The following TMEM244 variants were observed in gnomAD, a reference collection of about 807,000 sequenced individuals.
TMEM244 encodes the protein putative transmembrane protein 244.
In TMEM244, 13 loss-of-function variants were observed where a neutral mutation model predicts 15.8. That is an observed-to-expected ratio of 0.82 (90% CI 0.53 to 1.30). The LOEUF is 1.30. Among genes scored for constraint, TMEM244 ranks in the 50% most tolerant of loss-of-function variants. The pLI is 0.00. For missense variants in TMEM244, 161 were observed against 144.9 expected, an observed-to-expected ratio of 1.11 and a Z score of -0.57; for synonymous variants, 45 against 48.7, an observed-to-expected ratio of 0.92 and a Z score of 0.32.
At position 129,843,544 on chromosome 6, in the gene TMEM244, T is replaced by A. The variant is rs7760577; in HGVS notation, c.179A>T (p.Asn60Ile). 2.1e-3 allele frequency: 3,393 copies of A among 1,610,820 alleles called. 70 individuals carry two copies. The African/African-American group carries it at 0.04, about 19-fold the overall frequency. ...FDFKTNPSWLNINYKVLLVST... is the reference protein window; with the variant it reads ...FDFKTNPSWLIINYKVLLVST... ...AAAACAATTACCTTTATAGTTTATG[T>A]TGAGCCATGAGGGATTTGTTTTGAA... Residue 60 changes from asparagine to isoleucine, a missense_variant, in exon 3 of 5, where the codon AAC (asparagine) becomes ATC (isoleucine). Transcript: ENST00000368143.
intron 3 of TMEM244, among the ~76,000 whole-genome samples, chr6:129,835,046 T>C (rs1204057238): frequency 2.6e-5 from 4 of 152,156 alleles, no homozygotes; most frequent in African/African-American, 9.7e-5. Context: ...AAGGAAGTAA[T>C]ACAAAATTTG....
intron 4 of TMEM244, among the ~76,000 whole-genome samples, 160 bp downstream of exon 4, chr6:129,833,300 A>T (rs1199603154): frequency 5.3e-5 from 8 of 152,212 alleles, no homozygotes; most frequent in African/African-American, 1.7e-4. Context: ...GTACAAAAAA[A>T]TTTGGCTGGA....
chr6:129,847,457 G>A (rs754069262), intron 1 of TMEM244, among the ~76,000 whole-genome samples: 4 of 152,184 alleles, frequency 2.6e-5, no homozygotes, highest in African/African-American at 7.2e-5. Context: ...AGAGGAGAAG[G>A]TAGTTAGCAG....
At chr6:129,837,184 G>C (rs374681113) in intron 3 of TMEM244, among the ~76,000 whole-genome samples, 1 of 152,198 alleles carries the variant, frequency 6.6e-6, no homozygotes, top group Non-Finnish European at 1.5e-5. Flanking sequence ...GAAAGGTTGG[G>C]TTACCCACAA....
At chr6:129,845,557 T>C (rs1178691187) in intron 2 of TMEM244, among the ~76,000 whole-genome samples, 1 of 152,150 alleles carries the variant, frequency 6.6e-6, no homozygotes, top group Non-Finnish European at 1.5e-5. Context: ...GGCAGGAGGA[T>C]CATTCAAGGC....
intron 3 of TMEM244, among the ~76,000 whole-genome samples, chr6:129,841,236 T>A (rs1584184411): frequency 6.6e-6 from 1 of 152,166 alleles, no homozygotes; most frequent in African/African-American, 2.4e-5. Flanking sequence ...TGGAACTCTA[T>A]GCATCCATAA....
Position 129,857,916 on chromosome 6 carries a change from G to T in TMEM244, c.33+3240C>A, listed in dbSNP as rs552188090. Among the ~76,000 whole-genome samples, 12 of 151,408 alleles carry T rather than the reference G, an allele frequency of 7.9e-5. No homozygotes were observed. The East Asian group carries it at 2.3e-3, about 29-fold the overall frequency. Reference sequence around the variant, plus strand: ...TATTTTATTCAGTATTTTAAATCAGGAGTGGTTCAGGAACGGTTGCCAATT... The same window carrying T: ...TATTTTATTCAGTATTTTAAATCAGTAGTGGTTCAGGAACGGTTGCCAATT... On this transcript the variant is annotated intron_variant, in intron 1 of 4. Coordinates refer to ENST00000368143, the MANE Select transcript of TMEM244 (RefSeq NM_001010876.2).
chr6:129,835,357 C>T (rs1776388621), intron 3 of TMEM244, among the ~76,000 whole-genome samples: 1 of 149,678 alleles, frequency 6.7e-6, no homozygotes, highest in Admixed American at 6.7e-5. Context: ...ATGATCATGC[C>T]ACTGCACTGC....
chr6:129,839,424 C>T (rs9402182), intron 3 of TMEM244, among the ~76,000 whole-genome samples: 111,565 of 152,038 alleles, frequency 0.73, 41,838 homozygotes, highest in Non-Finnish European at 0.81. Flanking sequence ...TGATGGAACG[C>T]GTCTCAAAAT....
At chr6:129,833,437 T>G (rs1255334847) in intron 4 of TMEM244, 23 bp downstream of exon 4, 2 of 1,602,086 alleles carry the variant, frequency 1.2e-6, no homozygotes, top group Non-Finnish European at 1.7e-6. Flanking sequence ...TTTTCCTTGT[T>G]TCTGTTATTT....
intron 3 of TMEM244, among the ~76,000 whole-genome samples, chr6:129,839,951 C>T (rs1776464886): frequency 6.6e-6 from 1 of 152,184 alleles, no homozygotes; most frequent in African/African-American, 2.4e-5. Flanking sequence ...AATGGAAGAA[C>T]ATTCCATGCT....
At chr6:129,854,807 C>G (rs1235041028) in intron 1 of TMEM244, among the ~76,000 whole-genome samples, 1 of 152,126 alleles carries the variant, frequency 6.6e-6, no homozygotes, top group East Asian at 1.9e-4. Flanking sequence ...CACTGTAAGT[C>G]AAGGAGCATC....
chr6:129,845,755 T>C lies in TMEM244; in HGVS notation c.119+12A>G. 1 of 1,581,416 alleles carries C rather than the reference T, an allele frequency of 6.3e-7. No individual in the cohort carries two copies. The highest frequency in any genetic ancestry group is 8.7e-7 in the Non-Finnish European group (1 of 1,152,684). Reference sequence around the variant, plus strand: ...GCTTTTTAATTCTATTTGAAGACAATGTGCTACTTACTCAAACATCACGCA... The same window carrying C: ...GCTTTTTAATTCTATTTGAAGACAACGTGCTACTTACTCAAACATCACGCA... On this transcript the variant is annotated intron_variant, in intron 2 of 4. Transcript: ENST00000368143.
chr6:129,857,855 T>C (rs12196260), intron 1 of TMEM244, among the ~76,000 whole-genome samples: 85,115 of 150,016 alleles, frequency 0.57, 24,951 homozygotes, highest in Non-Finnish European at 0.66. Flanking sequence ...TATATATGTA[T>C]ATATATATAT....
chr6:129,843,998 AT>A (rs1480603968), intron 2 of TMEM244, among the ~76,000 whole-genome samples: 1 of 152,188 alleles, frequency 6.6e-6, no homozygotes, highest in African/African-American at 2.4e-5. Flanking sequence ...GCTATAACAT[AT>A]TTTTTAACAT....
chr6:129,855,548 G>A (rs1427534742), intron 1 of TMEM244, among the ~76,000 whole-genome samples: 2 of 152,048 alleles, frequency 1.3e-5, no homozygotes, highest in African/African-American at 4.8e-5. Flanking sequence ...CATTGACATA[G>A]AGTTTATATT....
chr6:129,856,975 CAT>C (rs986450694), intron 1 of TMEM244, among the ~76,000 whole-genome samples: 4 of 151,732 alleles, frequency 2.6e-5, no homozygotes, highest in African/African-American at 9.7e-5. Flanking sequence ...AAGTGTTAAT[CAT>C]ATAGATTTTA....
At chr6:129,841,020 C>T (rs889700852) in intron 3 of TMEM244, among the ~76,000 whole-genome samples, 6 of 152,092 alleles carry the variant, frequency 3.9e-5, no homozygotes, top group Non-Finnish European at 1.5e-5. Flanking sequence ...GTGTGGCGAT[C>T]CCTCAAGGAT....
intron 1 of TMEM244, 37 bp from the exon 2 acceptor site, chr6:129,845,889 G>A (rs769930408): frequency 7.4e-7 from 1 of 1,357,244 alleles, no homozygotes; most frequent in Admixed American, 1.9e-5. Flanking sequence ...AAGAGCCTGG[G>A]ATTTTTCACA....
Sources: allele counts gnomAD v4.1 joint callset (sites outside exome capture counted in the v4.1 genomes callset), GRCh38; gene constraint gnomAD v4.1.1; transcripts MANE v1.5; gene names NCBI Gene and HGNC (gene_info 2026-07-23, HGNC 2026-07-21).